Variants in SFTPD observed in about 807,000 individuals in gnomAD.
The protein encoded by SFTPD is pulmonary surfactant-associated protein D.
SFTPD carries 18 observed loss-of-function variants against 34.6 expected under a neutral mutation model. That is an observed-to-expected ratio of 0.52 (90% CI 0.36 to 0.77). SFTPD has a LOEUF of 0.77. SFTPD is among the 30% of genes least tolerant of loss of function. SFTPD has a pLI of 0.00. For missense variants in SFTPD, 433 were observed against 468.9 expected, an observed-to-expected ratio of 0.92 and a Z score of 0.71; for synonymous variants, 155 against 180.9, an observed-to-expected ratio of 0.86 and a Z score of 1.15.
chr10:79,946,617 G>A lies in SFTPD; in HGVS notation c.43C>T (p.Pro15Ser), dbSNP rs746572634. The change falls in exon 2 of 8, where the codon CCC (proline) becomes TCC (serine). Residue 15 changes from proline to serine, a missense_variant. Physicochemically the swap from Pro to Ser is moderately conservative, Grantham distance 74. Transcript: ENST00000372292. ...ATTTCTGCTTCCAGGTAGCCCAGGG[G>A]CTGTGTGAGCAGGACCAGTGCAGAG... ...LLSALVLLTQ[P>S]LGYLEAEMKT... The A allele has an allele frequency of 1.9e-6, 3 of 1,614,100 alleles. No homozygotes were observed. The highest frequency in any genetic ancestry group is 1.1e-5 in the South Asian group (1 of 91,086).
intron 7 of SFTPD, 49 bp downstream of exon 7, chr10:79,940,656 G>T (rs775241964): frequency 1.6e-6 from 2 of 1,227,846 alleles, no homozygotes; most frequent in East Asian, 2.3e-5. Flanking sequence ...AAGATCTAGT[G>T]TGGGGCCCAA....
upstream of SFTPD, chr10:79,950,137 C>G (rs1456328305): frequency 6.6e-6 from 1 of 152,132 alleles, no homozygotes; most frequent in Non-Finnish European, 1.5e-5. Flanking sequence ...GCCATCATAC[C>G]CAGCACCAAT....
At chr10:79,956,302 T>C (rs570185402) in intron 1 of SFTPD, among the ~76,000 whole-genome samples, 74 of 152,302 alleles carry the variant, frequency 4.9e-4, no homozygotes, top group African/African-American at 1.7e-3. Flanking sequence ...CAGAGAGTGG[T>C]TGCAGGACAG....
chr10:79,980,629 CTT>C (rs962045776), intron 1 of SFTPD, among the ~76,000 whole-genome samples: 14 of 152,310 alleles, frequency 9.2e-5, no homozygotes, highest in Admixed American at 8.5e-4. Context: ...GAGAGAAAGA[CTT>C]TGTCTGTTTG....
chr10:79,944,794 A>G (rs1842649222), intron 2 of SFTPD, among the ~76,000 whole-genome samples: 1 of 151,964 alleles, frequency 6.6e-6, no homozygotes, highest in Admixed American at 6.6e-5. Context: ...CCTCCATGAT[A>G]CGTCGGGGAT....
chr10:79,959,156 G>C (rs1393521342), intron 1 of SFTPD, among the ~76,000 whole-genome samples: 1 of 150,338 alleles, frequency 6.7e-6, no homozygotes, highest in African/African-American at 2.5e-5. Context: ...TGTGTAGAGG[G>C]AAATTTATAG....
At chr10:79,980,258 G>A (rs1378004054) in intron 1 of SFTPD, among the ~76,000 whole-genome samples, 1 of 151,962 alleles carries the variant, frequency 6.6e-6, no homozygotes, top group East Asian at 1.9e-4. Flanking sequence ...AAGTAAAAAG[G>A]ACTTTGTCTT....
At chr10:79,941,350 C>T (rs1164078169) in intron 6 of SFTPD, 48 bp downstream of exon 6, 1 of 1,535,344 alleles carries the variant, frequency 6.5e-7, no homozygotes, top group African/African-American at 1.4e-5. Flanking sequence ...CCTCTCTGCC[C>T]ACCCATGCCC....
intron 1 of SFTPD, among the ~76,000 whole-genome samples, chr10:79,973,382 G>A (rs1469202880): frequency 6.6e-6 from 1 of 152,060 alleles, no homozygotes; most frequent in Admixed American, 6.5e-5. Context: ...CACTTTGGGA[G>A]GCCGAGGCAG....
intron 1 of SFTPD, among the ~76,000 whole-genome samples, chr10:79,961,844 C>T (rs1347433962): frequency 1.3e-5 from 2 of 151,816 alleles, no homozygotes; most frequent in South Asian, 2.1e-4. Context: ...CACATACACA[C>T]GTATGTTTAT....
At chr10:79,977,543 T>C (rs1238050847) in intron 1 of SFTPD, among the ~76,000 whole-genome samples, 1 of 152,204 alleles carries the variant, frequency 6.6e-6, no homozygotes, top group Non-Finnish European at 1.5e-5. Flanking sequence ...TGTATCTAGT[T>C]TCACAGGTAA....
chr10:79,969,237 A>G (rs34588176), intron 1 of SFTPD: 10,573 of 152,376 alleles, frequency 0.069, 571 homozygotes, highest in South Asian at 0.2. Context: ...GCACTTTGGG[A>G]GGCCGAGGCC....
At chr10:79,946,432 AGC>A (rs756918952) in intron 2 of SFTPD, 27 bp downstream of exon 2, 23 of 1,542,258 alleles carry the variant, frequency 1.5e-5, no homozygotes, top group Non-Finnish European at 2.0e-5. Flanking sequence ...ATTCCTCCCC[AGC>A]AGGATAAGCC....
At chr10:79,942,205 G>A in intron 4 of SFTPD, 135 bp from the exon 5 acceptor site, 1 of 762,888 alleles carries the variant, frequency 1.3e-6, no homozygotes, top group Non-Finnish European at 2.2e-6. Context: ...GCTTTCTGGG[G>A]CTCCTCTGTG....
At chr10:79,970,725 CAACT>C (rs1356465222) in intron 1 of SFTPD, 23 of 130,240 alleles carry the variant, frequency 1.8e-4, no homozygotes, top group African/African-American at 7.5e-4. Context: ...TTGCATCCTA[CAACT>C]TTACTGAATT....
intron 1 of SFTPD, among the ~76,000 whole-genome samples, chr10:79,979,568 C>T (rs1305261103): frequency 6.6e-6 from 1 of 152,204 alleles, no homozygotes; most frequent in Admixed American, 6.5e-5. Flanking sequence ...CAACACAGGA[C>T]ACAGTTCAGC....
intron 1 of SFTPD, among the ~76,000 whole-genome samples, chr10:79,975,939 G>A (rs542298846): frequency 9.2e-5 from 14 of 152,332 alleles, no homozygotes; most frequent in African/African-American, 3.4e-4. Context: ...TGGGCCAGGT[G>A]TTCCTTGCCC....
At chr10:79,959,506 A>G (rs1335739368) in intron 1 of SFTPD, among the ~76,000 whole-genome samples, 6 of 152,352 alleles carry the variant, frequency 3.9e-5, no homozygotes, top group Non-Finnish European at 7.3e-5. Flanking sequence ...ATCAGAGAAT[A>G]CTATAAACAC....
intron 3 of SFTPD, 27 bp downstream of exon 3, chr10:79,942,736 A>C (rs762728166): frequency 1.4e-6 from 2 of 1,426,982 alleles, no homozygotes; most frequent in African/African-American, 1.4e-5. Context: ...ACCTGGAAAC[A>C]CCTGAAGTCG....
Sources: allele counts gnomAD v4.1 joint callset (sites outside exome capture counted in the v4.1 genomes callset), GRCh38; gene constraint gnomAD v4.1.1; transcripts MANE v1.5; gene names NCBI Gene and HGNC (gene_info 2026-07-23, HGNC 2026-07-21).